The following CARMIL1 variants were observed in gnomAD, a reference collection of about 807,000 sequenced individuals.
CARMIL1 encodes the protein capping protein regulator and myosin 1 linker 1, also known as F-actin-uncapping protein LRRC16A.
CARMIL1 carries 90 observed loss-of-function variants against 177.1 expected under a neutral mutation model. The observed-to-expected ratio is 0.51, with a 90% CI of 0.43 to 0.61. The LOEUF is 0.61. Ranked by LOEUF, CARMIL1 falls within the 20% of genes least tolerant of loss-of-function variation. The probability of loss-of-function intolerance (pLI) is 0.00; values close to 1 mark genes in which losing one functional copy is unlikely to be tolerated. For missense variants in CARMIL1, 1,380 were observed against 1,667.0 expected, an observed-to-expected ratio of 0.83 and a Z score of 3.00; for synonymous variants, 577 against 606.2, an observed-to-expected ratio of 0.95 and a Z score of 0.71.
intron 18 of CARMIL1, among the ~76,000 whole-genome samples, chr6:25,510,300 G>A (rs1582194205): frequency 6.6e-6 from 1 of 152,270 alleles, no homozygotes; most frequent in East Asian, 1.9e-4. Context: ...ATAAGTCTTT[G>A]TAGAGAATGA....
chr6:25,317,174 G>C (rs1784343609), intron 2 of CARMIL1, among the ~76,000 whole-genome samples: 1 of 152,112 alleles, frequency 6.6e-6, no homozygotes, highest in Non-Finnish European at 1.5e-5. Context: ...TGGGGTCTCA[G>C]TCTGTTGCCC....
intron 2 of CARMIL1, among the ~76,000 whole-genome samples, chr6:25,410,084 C>G (rs891182370): frequency 6.7e-6 from 1 of 149,442 alleles, no homozygotes. Flanking sequence ...CAACCCCCCC[C>G]GCCCCCCGCC....
chr6:25,291,400 A>G (rs928130475), intron 2 of CARMIL1, among the ~76,000 whole-genome samples: 4 of 152,226 alleles, frequency 2.6e-5, no homozygotes, highest in African/African-American at 9.6e-5. Flanking sequence ...GTCACAAATT[A>G]TCTTCAACTC....
At chr6:25,497,918 G>A (rs1367814122) in intron 16 of CARMIL1, among the ~76,000 whole-genome samples, 2 of 151,996 alleles carry the variant, frequency 1.3e-5, no homozygotes, top group African/African-American at 2.4e-5. Context: ...GCCTTTTTTG[G>A]TCCATGTTAA....
At chr6:25,449,836 T>C in intron 5 of CARMIL1, 62 bp from the exon 6 acceptor site, 3 of 919,412 alleles carry the variant, frequency 3.3e-6, no homozygotes, top group Non-Finnish European at 3.2e-6. Context: ...TGACAAAATT[T>C]ATTTCTATGT....
At chr6:25,310,115 C>G (rs771896434) in intron 2 of CARMIL1, among the ~76,000 whole-genome samples, 1 of 152,096 alleles carries the variant, frequency 6.6e-6, no homozygotes, top group African/African-American at 2.4e-5. Flanking sequence ...TGGGTTGTTT[C>G]CACCTTCTCA....
At chr6:25,488,410 C>G (rs922006756) in intron 12 of CARMIL1, 72 bp from the exon 13 acceptor site, 3 of 1,065,456 alleles carry the variant, frequency 2.8e-6, no homozygotes, top group Non-Finnish European at 4.4e-6. Flanking sequence ...AGTGTTGGGC[C>G]ATTTATAGAA....
At chr6:25,350,933 G>A (rs562716119) in intron 2 of CARMIL1, 1 of 152,332 alleles carries the variant, frequency 6.6e-6, no homozygotes, top group South Asian at 2.1e-4. Flanking sequence ...AGCTACCATG[G>A]TGGAATTTCA....
At chr6:25,490,751 A>AAAT (rs1291201779) in intron 13 of CARMIL1, among the ~76,000 whole-genome samples, 35 of 24,954 alleles carry the variant, frequency 1.4e-3, no homozygotes, top group African/African-American at 9.6e-3. Context: ...ATAAATAAAT[A>AAAT]AAAAAAAATA....
At position 25,306,057 on chromosome 6, in the gene CARMIL1, G is replaced by A. The variant is rs141885859; in HGVS notation, c.138+21148G>A. ...TTCCAGAACTTTTTCATCCCAAACA[G>A]AAACTGTATCAAACACTGAGTCCTC... On this transcript the variant is annotated intron_variant, in intron 2 of 36. Coordinates refer to ENST00000329474, the MANE Select transcript of CARMIL1 (RefSeq NM_017640.6). Among the ~76,000 whole-genome samples the A allele has an allele frequency of 3.0e-3, 456 of 152,178 alleles. 2 individuals carry two copies. Among genetic ancestry groups the A allele is most frequent in the African/African-American group, 0.01 (431 of 41,488 alleles).
intron 13 of CARMIL1, among the ~76,000 whole-genome samples, chr6:25,491,481 C>T (rs1250783170): frequency 6.6e-6 from 1 of 152,160 alleles, no homozygotes; most frequent in East Asian, 1.9e-4. Context: ...CTAAGTCATG[C>T]ATAACAAAAT....
intron 2 of CARMIL1, among the ~76,000 whole-genome samples, chr6:25,382,498 C>G (rs971562317): frequency 6.6e-6 from 1 of 152,150 alleles, no homozygotes; most frequent in African/African-American, 2.4e-5. Flanking sequence ...AAAGCTTCCA[C>G]AGTGTGGAAG....
intron 31 of CARMIL1, among the ~76,000 whole-genome samples, chr6:25,584,942 A>T (rs1314582914): frequency 6.6e-6 from 1 of 152,224 alleles, no homozygotes; most frequent in Non-Finnish European, 1.5e-5. Flanking sequence ...CAATGAAGCC[A>T]GGACTCACAG....
intron 4 of CARMIL1, among the ~76,000 whole-genome samples, chr6:25,430,431 GTTTT>G (rs34148308): frequency 7.0e-6 from 1 of 142,374 alleles, no homozygotes; most frequent in African/African-American, 2.6e-5. Context: ...CTTTGAGAAG[GTTTT>G]TTTTTTTTTT....
At chr6:25,582,351 T>A (rs777643273) in intron 31 of CARMIL1, among the ~76,000 whole-genome samples, 19 of 152,212 alleles carry the variant, frequency 1.2e-4, no homozygotes, top group Non-Finnish European at 2.8e-4. Context: ...CCTTTCAGTT[T>A]TCCTGCCAGA....
intron 4 of CARMIL1, among the ~76,000 whole-genome samples, chr6:25,434,813 G>A (rs935236566): frequency 5.9e-5 from 9 of 152,098 alleles, no homozygotes; most frequent in African/African-American, 2.2e-4. Flanking sequence ...GCCTCCCAAA[G>A]TGCTGGGATT....
At position 25,607,386 on chromosome 6, in the gene CARMIL1, T is replaced by C. The variant is rs534127818; in HGVS notation, c.3847+1113T>C. ...AGTCAGATCATCATCATGGCTAATCTTTGAGCACTTAGCTGTGTCCTTGGC... is the reference window on the plus strand; with the variant it reads ...AGTCAGATCATCATCATGGCTAATCCTTGAGCACTTAGCTGTGTCCTTGGC... On this transcript the variant is annotated intron_variant, in intron 35 of 36. Transcript: ENST00000329474. Among the ~76,000 whole-genome samples, 48 of 152,334 alleles carry C rather than the reference T, an allele frequency of 3.2e-4. No individual in the cohort carries two copies. In the South Asian group the frequency reaches 8.7e-3, roughly 28 times the overall value.
At chr6:25,614,937 G>T (rs1322255165) in intron 36 of CARMIL1, among the ~76,000 whole-genome samples, 1 of 152,186 alleles carries the variant, frequency 6.6e-6, no homozygotes, top group African/African-American at 2.4e-5. Flanking sequence ...GTCAAATTTT[G>T]ATGGAACTAA....
intron 11 of CARMIL1, among the ~76,000 whole-genome samples, chr6:25,478,247 C>G (rs1240142828): frequency 6.6e-6 from 1 of 152,014 alleles, no homozygotes; most frequent in Non-Finnish European, 1.5e-5. Flanking sequence ...AGGATTGCTG[C>G]TTACTTTTCT....
Sources: gnomAD v4.1 joint callset for allele counts (sites outside exome capture counted in the v4.1 genomes callset) on GRCh38, gnomAD v4.1.1 for gene constraint, MANE v1.5 for transcripts, NCBI Gene and HGNC (gene_info 2026-07-23, HGNC 2026-07-21) for gene names.